The following SPIN1 variants were observed in gnomAD, a reference collection of about 807,000 sequenced individuals.
SPIN1 encodes spindlin-1.
In SPIN1, 3 loss-of-function variants were observed where a neutral mutation model predicts 26.0. That is an observed-to-expected ratio of 0.12 (90% confidence interval 0.05 to 0.30). The LOEUF is 0.30. Ranked by LOEUF, SPIN1 falls within the 10% of genes least tolerant of loss-of-function variation. The pLI is 1.00. For missense variants in SPIN1, 126 were observed against 333.4 expected, an observed-to-expected ratio of 0.38 and a Z score of 4.84; for synonymous variants, 101 against 116.5, an observed-to-expected ratio of 0.87 and a Z score of 0.86.
intron 2 of SPIN1, among the ~76,000 whole-genome samples, chr9:88,433,818 A>G (rs1213044500): frequency 6.6e-6 from 1 of 152,248 alleles, no homozygotes; most frequent in Non-Finnish European, 1.5e-5. Context: ...TTTCAAAGAA[A>G]GAAAGATACG....
chr9:88,394,923 C>T (rs1482454565), intron 1 of SPIN1, among the ~76,000 whole-genome samples: 1 of 151,210 alleles, frequency 6.6e-6, no homozygotes, highest in Non-Finnish European at 1.5e-5. Flanking sequence ...CATTCTCCTG[C>T]CTCAGCCTCC....
At chr9:88,436,769 T>C (rs993029558) in intron 2 of SPIN1, among the ~76,000 whole-genome samples, 1 of 139,472 alleles carries the variant, frequency 7.2e-6, no homozygotes, top group Non-Finnish European at 1.6e-5. Flanking sequence ...TTTTTTTTTT[T>C]TTTTTTTTTT....
intron 1 of SPIN1, among the ~76,000 whole-genome samples, chr9:88,421,564 C>T (rs1461227880): frequency 6.6e-6 from 1 of 151,976 alleles, no homozygotes; most frequent in Non-Finnish European, 1.5e-5. Flanking sequence ...CAGGCATGAG[C>T]CATTGTGCCT....
At chr9:88,428,146 A>G (rs1201073342) in intron 2 of SPIN1, among the ~76,000 whole-genome samples, 1 of 152,212 alleles carries the variant, frequency 6.6e-6, no homozygotes, top group Non-Finnish European at 1.5e-5. Flanking sequence ...TGTACAGCAT[A>G]CAGCATTCCA....
chr9:88,396,718 C>T (rs1827068581), intron 1 of SPIN1, among the ~76,000 whole-genome samples: 1 of 152,066 alleles, frequency 6.6e-6, no homozygotes, highest in Admixed American at 6.6e-5. Flanking sequence ...CATCCCTTAA[C>T]AATGGGATAC....
At position 88,476,732 on chromosome 9, in the gene SPIN1, C is replaced by T. The variant is rs1174577570; in HGVS notation, c.*1455C>T. The T allele has an allele frequency of 1.3e-5, 2 of 152,202 alleles. No homozygotes were observed. Among genetic ancestry groups the T allele is most frequent in the Non-Finnish European group, 2.9e-5 (2 of 68,050 alleles). 9.4% of individuals were successfully genotyped at this position (152,202 alleles called of 1,614,324 possible). A position where few individuals can be genotyped will look rare whatever the true frequency, so the allele number is the denominator to read the frequency against. On this transcript the variant is annotated 3_prime_UTR_variant, in exon 6 of 6. Coordinates refer to ENST00000375859, the MANE Select transcript of SPIN1 (RefSeq NM_006717.3). ...GGTTGATCAGCAAAACAGCTGCTCT[C>T]ATTTTGTTTTGGAGGAACCCTGGTG...
At chr9:88,411,901 C>T (rs1827454275) in intron 1 of SPIN1, among the ~76,000 whole-genome samples, 3 of 151,714 alleles carry the variant, frequency 2.0e-5, no homozygotes, top group Admixed American at 6.6e-5. Flanking sequence ...AGGCCGGGTG[C>T]GGTGGCTCAT....
chr9:88,459,398 C>T (rs958751872), intron 3 of SPIN1, among the ~76,000 whole-genome samples: 3 of 152,130 alleles, frequency 2.0e-5, no homozygotes, highest in Non-Finnish European at 4.4e-5. Flanking sequence ...TAGAAGTCAA[C>T]TTTCTTCTAC....
chr9:88,445,792 G>T (rs1191880084), intron 2 of SPIN1, among the ~76,000 whole-genome samples: 1 of 151,654 alleles, frequency 6.6e-6, no homozygotes, highest in African/African-American at 2.4e-5. Flanking sequence ...ACCAGCCTTG[G>T]CCTCTCCCAA....
intron 2 of SPIN1, among the ~76,000 whole-genome samples, chr9:88,444,043 T>G (rs1828193466): frequency 6.6e-6 from 1 of 152,098 alleles, no homozygotes; most frequent in South Asian, 2.1e-4. Context: ...CGCCTGCCTC[T>G]CCAGTTTTGG....
intron 5 of SPIN1, among the ~76,000 whole-genome samples, chr9:88,474,088 T>C (rs10122460): frequency 0.33 from 50,406 of 152,178 alleles, 15,765 homozygotes; most frequent in African/African-American, 0.83. Flanking sequence ...TTATATGGTC[T>C]ACACCAGGAT....
At chr9:88,448,569 G>A (rs1047440345) in intron 2 of SPIN1, among the ~76,000 whole-genome samples, 3 of 151,986 alleles carry the variant, frequency 2.0e-5, no homozygotes, top group African/African-American at 4.8e-5. Flanking sequence ...GGCTGGTCTC[G>A]AACTCCTGGC....
At chr9:88,446,904 T>G (rs970018104) in intron 2 of SPIN1, among the ~76,000 whole-genome samples, 5 of 152,256 alleles carry the variant, frequency 3.3e-5, no homozygotes, top group African/African-American at 1.2e-4. Flanking sequence ...TGGTGTGGTT[T>G]CCTTTGTTTT....
chr9:88,461,829 G>T (rs1005372139), intron 3 of SPIN1, among the ~76,000 whole-genome samples: 1 of 152,050 alleles, frequency 6.6e-6, no homozygotes, highest in Non-Finnish European at 1.5e-5. Flanking sequence ...TAATAAGCCA[G>T]AAAAAAAGTA....
At chr9:88,474,842 A>G (rs1828857688) in intron 5 of SPIN1, among the ~76,000 whole-genome samples, 1 of 152,160 alleles carries the variant, frequency 6.6e-6, no homozygotes, top group East Asian at 1.9e-4. Flanking sequence ...CTTTTGTGCT[A>G]CAGTGGCAGA....
chr9:88,405,996 CTTGTGTGTCTGTGTGTGT>C, intron 1 of SPIN1, among the ~76,000 whole-genome samples: 1 of 128,014 alleles, frequency 7.8e-6, no homozygotes, highest in East Asian at 2.5e-4. Flanking sequence ...CCGTGCCTGG[CTTGTGTGTCTGTGTGTGT>C]GTGTGTGTGT....
chr9:88,444,690 TC>T (rs1828208244), intron 2 of SPIN1, among the ~76,000 whole-genome samples: 1 of 140,914 alleles, frequency 7.1e-6, no homozygotes, highest in East Asian at 2.0e-4. Context: ...CCTTTTCTTT[TC>T]TTTTTTTTTT....
chr9:88,392,500 A>C (rs1347298902), intron 1 of SPIN1, among the ~76,000 whole-genome samples: 2 of 152,150 alleles, frequency 1.3e-5, no homozygotes, highest in Non-Finnish European at 2.9e-5. Context: ...AAGCAGGAAC[A>C]GAGGCATGAG....
chr9:88,476,616 T>TGTAA lies in SPIN1; in HGVS notation c.*1344_*1347dup, dbSNP rs1342419183. On this transcript the variant is annotated 3_prime_UTR_variant, in exon 6 of 6. Coordinates refer to ENST00000375859, the MANE Select transcript of SPIN1 (RefSeq NM_006717.3). The stretch of plus-strand genomic sequence containing the variant: ...CAGCCGTTTGTGTTCGCTTGGTAGG[T>TGTAA]GTAAGTAATAGCAGCCCTTAGCCAC... 6.6e-6 allele frequency: 1 copy of TGTAA among 152,136 alleles called. No homozygotes were observed. Among genetic ancestry groups the TGTAA allele is most frequent in the East Asian group, 1.9e-4 (1 of 5,182 alleles). 9.4% of individuals were successfully genotyped at this position (152,136 alleles called of 1,614,324 possible).
Sources: allele counts gnomAD v4.1 joint callset (sites outside exome capture counted in the v4.1 genomes callset), GRCh38; gene constraint gnomAD v4.1.1; transcripts MANE v1.5; gene names NCBI Gene and HGNC (gene_info 2026-07-23, HGNC 2026-07-21).